Variants in ABHD14B observed in about 807,000 individuals in gnomAD.
ABHD14B encodes the protein putative protein-lysine deacylase ABHD14B.
Under a neutral mutation model 15.4 loss-of-function variants are expected in ABHD14B, and 19 were observed. The observed-to-expected ratio is 1.23, with a 90% CI of 0.86 to 1.81. ABHD14B has a LOEUF of 1.81. Among genes scored for constraint, ABHD14B ranks in the 40% most tolerant of loss-of-function variants. The pLI is 0.00. For synonymous variants in ABHD14B, 92 were observed against 117.3 expected (o/e 0.78, Z 1.39); for missense variants, 243 against 267.0 (o/e 0.91, Z 0.63).
Position 51,973,481 on chromosome 3 carries a change from G to A in ABHD14B, c.-29+484C>T, listed in dbSNP as rs569069022. On this transcript the variant is annotated intron_variant, in intron 1 of 3. Coordinates refer to ENST00000361143, the MANE Select transcript of ABHD14B (RefSeq NM_001146314.2). ...GATTACAGGCGTGAGCCACCGCGCC[G>A]GAACTAAAAGCCCATTTTCTTCGGT... Among the ~76,000 whole-genome samples, 8 of 150,336 alleles carry A rather than the reference G, an allele frequency of 5.3e-5. No individual in the cohort carries two copies. The South Asian group carries it at 1.0e-3, about 20-fold the overall frequency.
Position 51,974,047 on chromosome 3 carries a change from G to A in ABHD14B, c.-111C>T, listed in dbSNP as rs1333691828. On this transcript the variant is annotated 5_prime_UTR_variant, in exon 1 of 4. Transcript: ENST00000361143. ...GGGGCCGGAGGAGGAACGCTGGGAA[G>A]AGGCCGGGCCCCATCCAGCGGGGGC... The A allele has an allele frequency of 1.6e-6, 2 of 1,287,654 alleles. No homozygotes were observed. Among genetic ancestry groups the A allele is most frequent in the East Asian group, 5.5e-5 (1 of 18,040 alleles). The allele number at this position is 1,287,654 out of a possible 1,614,324, so 79.8% of individuals were successfully genotyped here.
Position 51,970,030 on chromosome 3 carries a change from C to T in ABHD14B, c.366G>A (p.Thr122=), listed in dbSNP as rs368664051. The change falls in exon 3 of 4, where the codon ACG becomes ACA. Residue 122 remains threonine, a synonymous_variant. Transcript: ENST00000361143. ...AGCCCGGGAGCTGGGAGCCAGGGGC[C>T]GTGAGGAAGGGCAGGGAGTACATGC... ...LSGMYSLPFL[T]APGSQLPGFV... is the part of the protein sequence containing the mutation. The T allele has an allele frequency of 1.4e-4, 227 of 1,613,940 alleles. No individual in the cohort carries two copies. The highest frequency in any genetic ancestry group is 1.8e-4 in the Non-Finnish European group (215 of 1,180,008).
chr3:51,974,121 A>G, upstream of ABHD14B: 2 of 1,127,208 alleles, frequency 1.8e-6, no homozygotes, highest in Non-Finnish European at 2.3e-6. Context: ...ACAAGCTCGC[A>G]GCGTCCATAG....
At chr3:51,972,797 G>C (rs1009127745) in intron 1 of ABHD14B, among the ~76,000 whole-genome samples, 1 of 152,156 alleles carries the variant, frequency 6.6e-6, no homozygotes, top group Non-Finnish European at 1.5e-5. Flanking sequence ...CTCAATCAAC[G>C]GTAAGTTACA....
rs1483175315 is a variant in ABHD14B at position 51,971,458 on chromosome 3, A to G, written c.211+2T>C. ...CTGCCCAGAAGCCTGCCCCTTAAGT[A>G]CCTGGCAGGTCAATGGCCACAGCCC... On this transcript the variant is annotated splice_donor_variant, in intron 2 of 3. Coordinates refer to ENST00000361143, the MANE Select transcript of ABHD14B (RefSeq NM_001146314.2). LOFTEE classifies it high-confidence loss of function. 3 of 1,572,180 alleles carry G rather than the reference A, an allele frequency of 1.9e-6. No homozygotes were observed. The East Asian group carries it at 6.8e-5, about 36-fold the overall frequency.
At chr3:51,974,182 G>A, upstream of ABHD14B, 1 of 616,792 alleles carries the variant, frequency 1.6e-6, no homozygotes, top group South Asian at 1.8e-5. Context: ...AAGCCTCTCG[G>A]TCTCACATGC....
upstream of ABHD14B, chr3:51,974,080 G>A: frequency 7.8e-7 from 1 of 1,280,530 alleles, no homozygotes; most frequent in Non-Finnish European, 1.0e-6. Context: ...GGCGGGGACT[G>A]GGCCGTGCTC....
chr3:51,971,547 G>A lies in ABHD14B; in HGVS notation c.124C>T (p.Arg42Cys), dbSNP rs747911222. The change falls in exon 2 of 4, where the codon CGC (arginine) becomes TGC (cysteine). Residue 42 changes from arginine (R) to cysteine (C), a missense_variant. By Grantham distance (180) the Arg-to-Cys change is radical (BLOSUM62 -3). Coordinates refer to ENST00000361143, the MANE Select transcript of ABHD14B (RefSeq NM_001146314.2). ...RFSVLLLHGI[R>C]FSSETWQNLG... The stretch of plus-strand genomic sequence containing the variant: ...TTCTGCCAGGTCTCGGAGGAGAAGC[G>A]AATACCATGCAGCAGCAGTACAGAG... The A allele has an allele frequency of 2.1e-5, 34 of 1,613,558 alleles. No individual in the cohort carries two copies. Among genetic ancestry groups the A allele is most frequent in the Admixed American group, 3.3e-5 (2 of 59,990 alleles).
intron 2 of ABHD14B, 129 bp from the exon 3 acceptor site, chr3:51,970,313 G>T: frequency 8.0e-7 from 1 of 1,254,350 alleles, no homozygotes; most frequent in Non-Finnish European, 1.1e-6. Flanking sequence ...AACACCCAGT[G>T]TGCCCACGTT....
chr3:51,970,167 C>T lies in ABHD14B; in HGVS notation c.229G>A (p.Glu77Lys). 6.5e-7 allele frequency: 1 copy of T among 1,535,820 alleles called. No individual in the cohort carries two copies. Among genetic ancestry groups the T allele is most frequent in the Non-Finnish European group, 8.7e-7 (1 of 1,143,958 alleles). The change falls in exon 3 of 4, where the codon GAA (glutamate) becomes AAA (lysine). Residue 77 changes from glutamate to lysine, a missense_variant. Coordinates refer to ENST00000361143, the MANE Select transcript of ABHD14B (RefSeq NM_001146314.2). ...CCAATAGGGGCAGGGGCTGCTGCTTCCTTGGAGTGCCCCAGACCTGCAGGG... is the reference window on the plus strand; with the variant it reads ...CCAATAGGGGCAGGGGCTGCTGCTTTCTTGGAGTGCCCCAGACCTGCAGGG... ...IDLPGLGHSK[E>K]AAAPAPIGEL...
At chr3:51,971,987 G>A (rs1346966941) in intron 1 of ABHD14B, 1 of 363,856 alleles carries the variant, frequency 2.7e-6, no homozygotes, top group South Asian at 5.0e-5. Flanking sequence ...GCTCACGCCT[G>A]TAATCCCAGC....
rs751636953 is a variant in ABHD14B, at chr3:51,969,993, C to T, written c.403G>A (p.Ala135Thr). Residue 135 changes from alanine (A) to threonine (T), a missense_variant, in exon 3 of 4, where the codon GCC becomes ACC. Transcript: ENST00000361143. ...TTGATTTTGTCAGTGCAGATGGGGG[C>T]CACTGGCACAAAGCCCGGGAGCTGG... is the stretch of plus-strand genomic sequence containing the variant. The part of the protein sequence containing the change: ...GSQLPGFVPV[A>T]PICTDKINAA... 3 of 1,614,096 alleles carry T rather than the reference C, an allele frequency of 1.9e-6. No individual in the cohort carries two copies. Among genetic ancestry groups the T allele is most frequent in the East Asian group, 2.2e-5 (1 of 44,898 alleles).
intron 1 of ABHD14B, 168 bp from the exon 2 acceptor site, chr3:51,971,866 T>C (rs774662391): frequency 6.7e-5 from 89 of 1,329,286 alleles, no homozygotes; most frequent in Middle Eastern, 2.1e-4. Flanking sequence ...TACTTTAGTG[T>C]GTAACCTGGG....
At position 51,969,368 on chromosome 3, in the gene ABHD14B, C is replaced by G. The variant is rs945487488; in HGVS notation, c.*58G>C. On this transcript the variant is annotated 3_prime_UTR_variant, in exon 4 of 4. Coordinates refer to ENST00000361143, the MANE Select transcript of ABHD14B (RefSeq NM_001146314.2). Reference sequence around the variant, plus strand: ...CCAGAGCCTGGGAGAGAAGAGAGAGCGTGCAAGAGAGAGCTCAGAGCAGGC... The same window carrying G: ...CCAGAGCCTGGGAGAGAAGAGAGAGGGTGCAAGAGAGAGCTCAGAGCAGGC... The G allele has an allele frequency of 1.3e-6, 2 of 1,521,908 alleles. No homozygotes were observed. The highest frequency in any genetic ancestry group is 8.9e-7 in the Non-Finnish European group (1 of 1,128,974). The allele number at this position is 1,521,908 out of a possible 1,614,324, so 94.3% of individuals were successfully genotyped here. A position where few individuals can be genotyped will look rare whatever the true frequency, so the allele number is the denominator to read the frequency against.
In ABHD14B at chr3:51,974,006, G is replaced by A. The variant is rs745734376; in HGVS notation, c.-70C>T. 6.7e-5 allele frequency: 86 copies of A among 1,289,068 alleles called. No individual in the cohort carries two copies. The highest frequency in any genetic ancestry group is 1.9e-4 in the South Asian group (15 of 80,982). The allele number at this position is 1,289,068 out of a possible 1,614,324, so 79.9% of individuals were successfully genotyped here. A position where few individuals can be genotyped will look rare whatever the true frequency, so the allele number is the denominator to read the frequency against. On this transcript the variant is annotated 5_prime_UTR_variant, in exon 1 of 4. The change creates a new upstream start codon in the 5' untranslated region. Coordinates refer to ENST00000361143, the MANE Select transcript of ABHD14B (RefSeq NM_001146314.2). ...ACTCGCGCAGACGGGAAGCAGGCGC[G>A]TGCTGGCGGTGACCTGGGGCCGGAG...
chr3:51,969,150 G>A lies in ABHD14B; in HGVS notation c.*276C>T. On this transcript the variant is annotated 3_prime_UTR_variant, in exon 4 of 4. Transcript: ENST00000361143. Reference sequence around the variant, plus strand: ...GAAGGAGTGAAAGCCAGGCAGGAAAGTGGAAGAACAGGAGAAGCTCATGTA... The same window carrying A: ...GAAGGAGTGAAAGCCAGGCAGGAAAATGGAAGAACAGGAGAAGCTCATGTA... The A allele has an allele frequency of 3.3e-6, 1 of 307,580 alleles. No homozygotes were observed. The highest frequency in any genetic ancestry group is 6.0e-6 in the Non-Finnish European group (1 of 166,712). The allele number at this position is 307,580 out of a possible 1,614,324, so 19.1% of individuals were successfully genotyped here.
Position 51,969,532 on chromosome 3 carries a change from G to C in ABHD14B, c.527C>G (p.Pro176Arg), listed in dbSNP as rs1700612850. Residue 176 changes from proline to arginine, a missense_variant, in exon 4 of 4, where the codon CCC becomes CGC. Pro to Arg is a moderately radical substitution (Grantham distance 103). Transcript: ENST00000361143. ...CTTCATGATCAGCACCCGGTGGTTG[G>C]GCAGCTGCTTCAGGTGCTCAAAGCT... ...QTSFEHLKQL[P>R]NHRVLIMKGA... 1 of 1,613,880 alleles carries C rather than the reference G, an allele frequency of 6.2e-7. No homozygotes were observed. Among genetic ancestry groups the C allele is most frequent in the South Asian group, 1.1e-5 (1 of 91,076 alleles).
At chr3:51,973,159 C>T (rs1700690545) in intron 1 of ABHD14B, among the ~76,000 whole-genome samples, 1 of 151,944 alleles carries the variant, frequency 6.6e-6, no homozygotes. Context: ...ATTCTCCTGC[C>T]TCAGCCTCCC....
At chr3:51,971,407 T>G (rs1700650806) in intron 2 of ABHD14B, 53 bp downstream of exon 2, 3 of 1,470,308 alleles carry the variant, frequency 2.0e-6, no homozygotes, top group Non-Finnish European at 2.7e-6. Flanking sequence ...AACCTGGCCC[T>G]GTCCCTAATG....
Sources: allele counts gnomAD v4.1 joint callset (sites outside exome capture counted in the v4.1 genomes callset), GRCh38; gene constraint gnomAD v4.1.1; transcripts MANE v1.5; gene names NCBI Gene and HGNC (gene_info 2026-07-23, HGNC 2026-07-21).